Variants in FAM135B observed in about 807,000 individuals in gnomAD.
FAM135B encodes protein FAM135B.
Under a neutral mutation model 127.7 loss-of-function variants are expected in FAM135B, and 43 were observed. That is an observed-to-expected ratio of 0.34 (90% CI 0.26 to 0.43). The LOEUF (loss-of-function observed/expected upper bound fraction) is 0.43, where lower values mean the gene tolerates loss of function less well. Among genes scored for constraint, FAM135B ranks in the 20% least tolerant of loss-of-function variants. FAM135B has a pLI of 1.00. For synonymous variants in FAM135B, 670 were observed against 665.1 expected (o/e 1.01, Z -0.11); for missense variants, 1,558 against 1,725.6 (o/e 0.90, Z 1.72).
chr8:138,226,184 T>C (rs10086043), intron 7 of FAM135B, among the ~76,000 whole-genome samples: 27,431 of 139,042 alleles, frequency 0.2, 3,047 homozygotes, highest in Non-Finnish European at 0.23. Context: ...TGTGTGTGTG[T>C]GCGCGCATGT....
At chr8:138,259,245 ACT>A (rs1351437181) in intron 4 of FAM135B, among the ~76,000 whole-genome samples, 1 of 151,576 alleles carries the variant, frequency 6.6e-6, no homozygotes, top group Non-Finnish European at 1.5e-5. Context: ...CATAATGGTG[ACT>A]CTCTTGTTTT....
intron 2 of FAM135B, among the ~76,000 whole-genome samples, chr8:138,354,101 C>T (rs1244961501): frequency 1.3e-5 from 2 of 152,098 alleles, no homozygotes; most frequent in East Asian, 3.9e-4. Flanking sequence ...ACCTTCACCT[C>T]TTTAATAATT....
At chr8:138,459,503 A>T (rs1227397237) in intron 1 of FAM135B, 1 of 152,226 alleles carries the variant, frequency 6.6e-6, no homozygotes, top group Non-Finnish European at 1.5e-5. Context: ...AAGCTCTCTA[A>T]TGCCTTATCA....
At chr8:138,263,876 A>G (rs1250682478) in intron 4 of FAM135B, among the ~76,000 whole-genome samples, 5 of 152,210 alleles carry the variant, frequency 3.3e-5, no homozygotes, top group African/African-American at 7.2e-5. Context: ...TCAGGATGCA[A>G]AGAGAGATAC....
At chr8:138,418,709 T>C (rs1834312015) in intron 1 of FAM135B, among the ~76,000 whole-genome samples, 1 of 152,110 alleles carries the variant, frequency 6.6e-6, no homozygotes, top group African/African-American at 2.4e-5. Flanking sequence ...GCTTCGTAAA[T>C]GAAGGATAAA....
chr8:138,186,178 C>G (rs1450633788), intron 9 of FAM135B, among the ~76,000 whole-genome samples: 1 of 152,308 alleles, frequency 6.6e-6, no homozygotes, highest in South Asian at 2.1e-4. Context: ...TCACCTCTCG[C>G]TCCCTGGTTC....
At chr8:138,349,156 T>C (rs1170509445) in intron 2 of FAM135B, among the ~76,000 whole-genome samples, 2 of 152,260 alleles carry the variant, frequency 1.3e-5, no homozygotes, top group East Asian at 1.9e-4. Context: ...CCTGGGCTAA[T>C]GCCCCTTGTG....
intron 1 of FAM135B, among the ~76,000 whole-genome samples, chr8:138,482,319 A>C (rs754921976): frequency 1.8e-4 from 27 of 152,046 alleles, no homozygotes; most frequent in Non-Finnish European, 3.1e-4. Flanking sequence ...GGCCATCAAG[A>C]GCCTGCTCAG....
intron 1 of FAM135B, among the ~76,000 whole-genome samples, chr8:138,375,495 T>C (rs1831413344): frequency 6.6e-6 from 1 of 152,116 alleles, no homozygotes; most frequent in South Asian, 2.1e-4. Flanking sequence ...TCCCTAAACC[T>C]CAGTCTCCTC....
At chr8:138,200,938 T>G (rs1421378589) in intron 7 of FAM135B, among the ~76,000 whole-genome samples, 1 of 152,282 alleles carries the variant, frequency 6.6e-6, no homozygotes, top group South Asian at 2.1e-4. Context: ...CAGCAGAAAT[T>G]TTGTTTCTCA....
chr8:138,295,102 C>CTTTTTTTTTTTTT (rs527258472), intron 3 of FAM135B, among the ~76,000 whole-genome samples: 4 of 82,216 alleles, frequency 4.9e-5, no homozygotes, highest in African/African-American at 2.0e-4. Flanking sequence ...CTTGCTGGTG[C>CTTTTTTTTTTTTT]TTTTTTTTTT....
chr8:138,212,953 A>G (rs1238177080), intron 7 of FAM135B, among the ~76,000 whole-genome samples: 2 of 152,232 alleles, frequency 1.3e-5, no homozygotes, highest in Non-Finnish European at 2.9e-5. Flanking sequence ...AAAAATTACT[A>G]GTCTCCAATT....
intron 12 of FAM135B, among the ~76,000 whole-genome samples, chr8:138,160,965 T>C (rs371048337): frequency 6.6e-6 from 1 of 152,292 alleles, no homozygotes; most frequent in East Asian, 1.9e-4. Context: ...GACATTGCCA[T>C]TTACCAGCGA....
chr8:138,214,228 T>C (rs556836091), intron 7 of FAM135B, among the ~76,000 whole-genome samples: 9 of 152,202 alleles, frequency 5.9e-5, no homozygotes, highest in Non-Finnish European at 1.2e-4. Context: ...ACTCAAATAC[T>C]CTTACTATTT....
intron 1 of FAM135B, among the ~76,000 whole-genome samples, chr8:138,483,978 T>A (rs2131684845): frequency 6.6e-6 from 1 of 152,372 alleles, no homozygotes; most frequent in South Asian, 2.1e-4. Flanking sequence ...AGAGCAGATC[T>A]GCAATTTTAG....
chr8:138,460,634 C>T (rs4909426), intron 1 of FAM135B, among the ~76,000 whole-genome samples: 71,544 of 151,944 alleles, frequency 0.47, 18,158 homozygotes, highest in East Asian at 0.84. Context: ...GCATTTCTTC[C>T]AGGATGCTCC....
chr8:138,281,077 AT>A lies in FAM135B; in HGVS notation c.158-15236del, dbSNP rs1824229017. 2.0e-5 allele frequency among the ~76,000 whole-genome samples: 3 copies of A among 152,126 alleles called. No homozygotes were observed. In the South Asian group the frequency reaches 6.2e-4, roughly 32 times the overall value. On this transcript the variant is annotated intron_variant, in intron 3 of 19. Transcript: ENST00000395297. ...TGCTTCCACCCAATTAGGTGATTAC[AT>A]TCCACACAGGATTTTAGGTGGAAAA...
intron 2 of FAM135B, among the ~76,000 whole-genome samples, chr8:138,331,271 G>A (rs147343515): frequency 2.4e-4 from 36 of 152,214 alleles, no homozygotes; most frequent in East Asian, 5.8e-4. Flanking sequence ...TGTGTATTTC[G>A]TCATCTGACT....
At chr8:138,402,888 G>A (rs1413105632) in intron 1 of FAM135B, among the ~76,000 whole-genome samples, 2 of 152,074 alleles carry the variant, frequency 1.3e-5, no homozygotes, top group African/African-American at 4.8e-5. Flanking sequence ...TTTTGGGGAG[G>A]CCATTAGATC....
Sources: allele counts gnomAD v4.1 joint callset (sites outside exome capture counted in the v4.1 genomes callset), GRCh38; gene constraint gnomAD v4.1.1; transcripts MANE v1.5; gene names NCBI Gene and HGNC (gene_info 2026-07-23, HGNC 2026-07-21).